Variants in RET observed in about 807,000 individuals in gnomAD.
The protein encoded by RET is proto-oncogene tyrosine-protein kinase receptor Ret.
Under a neutral mutation model 118.3 loss-of-function variants are expected in RET, and 19 were observed. The observed-to-expected ratio is 0.16, with a 90% CI of 0.11 to 0.24. The LOEUF (loss-of-function observed/expected upper bound fraction) is 0.24. Among genes scored for constraint, RET ranks in the 10% least tolerant of loss-of-function variants. The pLI is 1.00. For synonymous variants in RET, 597 were observed against 644.1 expected (o/e 0.93, Z 1.11); for missense variants, 1,219 against 1,502.1 (o/e 0.81, Z 3.12).
chr10:43,105,322 G>T, intron 4 of RET, 129 bp downstream of exon 4: 2 of 1,381,650 alleles, frequency 1.4e-6, no homozygotes, highest in Non-Finnish European at 2.0e-6. Flanking sequence ...TTTGTCCTTC[G>T]CCTCCGTCTG....
chr10:43,127,297 GC>G, intron 19 of RET: 1 of 1,071,256 alleles, frequency 9.3e-7, no homozygotes, highest in Non-Finnish European at 1.1e-6. Flanking sequence ...GAGCTGGCTG[GC>G]CCTGGGAGGA....
Position 43,123,663 on chromosome 10 carries a change from C to G in RET, c.2802-8C>G, listed in dbSNP as rs2133003582. 6.2e-7 allele frequency: 1 copy of G among 1,614,118 alleles called. No homozygotes were observed. The highest frequency in any genetic ancestry group is 1.7e-5 in the Admixed American group (1 of 60,034). On this transcript the variant is annotated splice_region_variant and splice_polypyrimidine_tract_variant and intron_variant, in intron 16 of 19. Transcript: ENST00000355710. ...GGAGCCACTCACTGGTCCTTTCACT[C>G]TCTGCAGATGGTCTTTTGGTGTCCT...
intron 1 of RET, 89 bp downstream of exon 1, chr10:43,077,420 G>C (rs1182872104): frequency 1.4e-6 from 2 of 1,429,000 alleles, no homozygotes; most frequent in Non-Finnish European, 1.8e-6. Context: ...GCGCCTTTCT[G>C]TTTGCCGTGG....
rs1433973574 is a variant in RET at position 43,124,169 on chromosome 10, C to T, written c.2939+361C>T. On this transcript the variant is annotated intron_variant, in intron 17 of 19. Coordinates refer to ENST00000355710, the MANE Select transcript of RET (RefSeq NM_020975.6). ...GCCTGAGTGGAGGTGCAGAGCCAGGCAGGGGCAGCCTGGGCTGCAACCTGA... is the reference window on the plus strand; with the variant it reads ...GCCTGAGTGGAGGTGCAGAGCCAGGTAGGGGCAGCCTGGGCTGCAACCTGA... Among the ~76,000 whole-genome samples the T allele has an allele frequency of 2.0e-5, 3 of 152,110 alleles. No individual in the cohort carries two copies. In the East Asian group the frequency reaches 5.8e-4, roughly 29 times the overall value.
chr10:43,102,870 A>G lies in RET; in HGVS notation c.625+241A>G. ...CCTGCAGCTTTCATTCTTGTGGGGCAGACAGAGCGTCTGAGCATGCCAAGG... is the reference window on the plus strand; with the variant it reads ...CCTGCAGCTTTCATTCTTGTGGGGCGGACAGAGCGTCTGAGCATGCCAAGG... On this transcript the variant is annotated intron_variant, in intron 3 of 19. Transcript: ENST00000355710. 7 of 595,606 alleles carry G rather than the reference A, an allele frequency of 1.2e-5. No homozygotes were observed. The South Asian group carries it at 1.4e-4, about 12-fold the overall frequency. 36.9% of individuals were successfully genotyped at this position (595,606 alleles called of 1,614,324 possible). A position where few individuals can be genotyped will look rare whatever the true frequency, so the allele number is the denominator to read the frequency against.
intron 6 of RET, 21 bp downstream of exon 6, chr10:43,109,251 T>C (rs766489833): frequency 2.4e-5 from 38 of 1,609,104 alleles, no homozygotes; most frequent in Non-Finnish European, 3.1e-5. Flanking sequence ...ACCTATTGCC[T>C]GTCTGGGGAA....
At chr10:43,118,308 TG>T in intron 12 of RET, 64 bp from the exon 13 acceptor site, 1 of 1,277,288 alleles carries the variant, frequency 7.8e-7, no homozygotes, top group Non-Finnish European at 1.1e-6. Flanking sequence ...CATCCTGACC[TG>T]GTATGGTCAT....
intron 1 of RET, among the ~76,000 whole-genome samples, chr10:43,087,499 A>C (rs2132564035): frequency 6.6e-6 from 1 of 152,340 alleles, no homozygotes; most frequent in Admixed American, 6.5e-5. Flanking sequence ...TGTTTTCTTG[A>C]TGGTTTTACA....
At chr10:43,091,253 C>T (rs530238681) in intron 1 of RET, among the ~76,000 whole-genome samples, 3 of 152,306 alleles carry the variant, frequency 2.0e-5, no homozygotes, top group East Asian at 1.9e-4. Flanking sequence ...ACTTGTAATT[C>T]ATAGATCTGA....
At chr10:43,108,296 A>G (rs1315683104) in intron 5 of RET, among the ~76,000 whole-genome samples, 1 of 152,164 alleles carries the variant, frequency 6.6e-6, no homozygotes. Context: ...CAAGGCTGCA[A>G]TGAGATGCAA....
rs1047959746 is a variant in RET at position 43,128,478 on chromosome 10, C to G, written c.*209C>G. 4.7e-6 allele frequency: 3 copies of G among 632,554 alleles called. No homozygotes were observed. The Admixed American group carries it at 7.0e-5, about 15-fold the overall frequency. 39.2% of individuals were successfully genotyped at this position (632,554 alleles called of 1,614,324 possible). ...TTCCCTCCTAGCAGACATGCCACACCGGGTAAGAGCTCTGAGTCTTAGTGG... is the reference window on the plus strand; with the variant it reads ...TTCCCTCCTAGCAGACATGCCACACGGGGTAAGAGCTCTGAGTCTTAGTGG... On this transcript the variant is annotated 3_prime_UTR_variant, in exon 20 of 20. Coordinates refer to ENST00000355710, the MANE Select transcript of RET (RefSeq NM_020975.6).
At position 43,109,761 on chromosome 10, in the gene RET, A is replaced by G. The variant is rs930411123; in HGVS notation, c.1263+531A>G. On this transcript the variant is annotated intron_variant, in intron 6 of 19. Transcript: ENST00000355710. ...TTATATTTGTCTTTGGAAAATAATG[A>G]TTAGAAATAGAAGGCATAAAAGTAA... Among the ~76,000 whole-genome samples, 10 of 151,974 alleles carry G rather than the reference A, an allele frequency of 6.6e-5. No individual in the cohort carries two copies. The East Asian group carries it at 1.4e-3, about 21-fold the overall frequency.
At position 43,123,728 on chromosome 10, in the gene RET, T is replaced by G; in HGVS notation, c.2859T>G (p.Pro953=). The G allele has an allele frequency of 6.2e-7, 1 of 1,614,200 alleles. No individual in the cohort carries two copies. The highest frequency in any genetic ancestry group is 8.5e-7 in the Non-Finnish European group (1 of 1,180,030). The change falls in exon 17 of 20, where the codon CCT becomes CCG. Residue 953 remains proline, a synonymous_variant. Coordinates refer to ENST00000355710, the MANE Select transcript of RET (RefSeq NM_020975.6). ...TGACCCTAGGGGGAAACCCCTATCC[T>G]GGGATTCCTCCTGAGCGGCTCTTCA... ...EIVTLGGNPY[P]GIPPERLFNL... is the part of the protein sequence containing the mutation.
rs917272513 is a variant in RET at position 43,106,997 on chromosome 10, C to A, written c.1063+426C>A. Among the ~76,000 whole-genome samples the A allele has an allele frequency of 2.0e-5, 3 of 152,232 alleles. No homozygotes were observed. Among genetic ancestry groups the A allele is most frequent in the African/African-American group, 7.2e-5 (3 of 41,456 alleles). ...TAAACAGGCTGGTGTACAGAAGCAG[C>A]CCCGAGCCAGGTCAGGGCTTCTGAG... is the stretch of plus-strand genomic sequence containing the variant. On this transcript the variant is annotated intron_variant, in intron 5 of 19. Coordinates refer to ENST00000355710, the MANE Select transcript of RET (RefSeq NM_020975.6). This position sits in a 1 kb window ranked among gnomAD's most constrained non-coding sequence, Gnocchi z 5.1.
rs1217171717 is a variant in RET, at chr10:43,114,182, C to T, written c.1880-298C>T. Among the ~76,000 whole-genome samples, 3 of 152,222 alleles carry T rather than the reference C, an allele frequency of 2.0e-5. No individual in the cohort carries two copies. The highest frequency in any genetic ancestry group is 6.5e-5 in the Admixed American group (1 of 15,282). On this transcript the variant is annotated intron_variant, in intron 10 of 19. Coordinates refer to ENST00000355710, the MANE Select transcript of RET (RefSeq NM_020975.6). This position sits in a 1 kb window ranked among gnomAD's most constrained non-coding sequence, Gnocchi z 4.6. ...AAAATTTTGACCTCCCCTGCCAGCC[C>T]TCCAGTGCCAGCTGGTGTAATGAGC...
Position 43,077,159 on chromosome 10 carries a change from G to A in RET, c.-100G>A, listed in dbSNP as rs1403856418. The A allele has an allele frequency of 6.8e-6, 9 of 1,315,654 alleles. No homozygotes were observed. Among genetic ancestry groups the A allele is most frequent in the South Asian group, 4.1e-5 (2 of 48,782 alleles). 81.5% of individuals were successfully genotyped at this position (1,315,654 alleles called of 1,614,324 possible). ...GTGTCCGTCGCGTCCGCCGCGCCCC[G>A]GGCGGGGATGGGGCGGCCAGACTGA... On this transcript the variant is annotated 5_prime_UTR_variant, in exon 1 of 20. Coordinates refer to ENST00000355710, the MANE Select transcript of RET (RefSeq NM_020975.6).
At chr10:43,089,817 A>G (rs73268217) in intron 1 of RET, among the ~76,000 whole-genome samples, 1,715 of 152,354 alleles carry the variant, frequency 0.011, 32 homozygotes, top group African/African-American at 0.039. Context: ...GGTTGAGTGT[A>G]TGGGCACTGT....
intron 17 of RET, 73 bp from the exon 18 acceptor site, chr10:43,124,810 T>C: frequency 6.9e-7 from 1 of 1,442,942 alleles, no homozygotes. Context: ...CAGGGTGCGA[T>C]GGCTGTGGTG....
rs1837861041 is a variant in RET at position 43,109,239 on chromosome 10, A to C, written c.1263+9A>C. ...CTCGCCGATTTGCCCAGGTGAGCCC[A>C]TACCTATTGCCTGTCTGGGGAAGAT... On this transcript the variant is annotated intron_variant, in intron 6 of 19. Transcript: ENST00000355710. The C allele has an allele frequency of 1.9e-6, 3 of 1,611,728 alleles. No homozygotes were observed. Among genetic ancestry groups the C allele is most frequent in the African/African-American group, 2.7e-5 (2 of 74,922 alleles).
Sources: allele counts gnomAD v4.1 joint callset (sites outside exome capture counted in the v4.1 genomes callset), GRCh38; gene constraint gnomAD v4.1.1; non-coding constraint Gnocchi (gnomAD v3.1); transcripts MANE v1.5; gene names NCBI Gene and HGNC (gene_info 2026-07-23, HGNC 2026-07-21).